ASTN2: variants seen among roughly 807,000 people sequenced by gnomAD.
ASTN2 encodes the protein astrotactin 2, also known as astrotactin-2.
In ASTN2, 54 loss-of-function variants were observed where a neutral mutation model predicts 139.8. The observed-to-expected ratio is 0.39, with a 90% CI of 0.31 to 0.48. The LOEUF (loss-of-function observed/expected upper bound fraction) is 0.48, where lower values mean the gene tolerates loss of function less well. ASTN2 is among the 20% of genes least tolerant of loss of function. ASTN2 has a pLI of 0.95. For synonymous variants in ASTN2, 756 were observed against 719.5 expected (o/e 1.05, Z -0.81); for missense variants, 1,565 against 1,725.1 (o/e 0.91, Z 1.64).
intron 4 of ASTN2, among the ~76,000 whole-genome samples, chr9:117,108,535 G>A (rs1829166823): frequency 6.7e-6 from 1 of 149,138 alleles, no homozygotes; most frequent in Non-Finnish European, 1.5e-5. Context: ...ACTGGGAAGT[G>A]AAACAGAAAT....
intron 3 of ASTN2, among the ~76,000 whole-genome samples, chr9:117,204,294 T>C (rs895886768): frequency 1.3e-5 from 2 of 152,166 alleles, no homozygotes; most frequent in South Asian, 2.1e-4. Flanking sequence ...CCTGGCCTCA[T>C]GTGATCCACC....
chr9:116,979,543 TG>T (rs1836449689), intron 7 of ASTN2, among the ~76,000 whole-genome samples: 2 of 152,122 alleles, frequency 1.3e-5, no homozygotes, highest in African/African-American at 4.8e-5. Context: ...ACTAAAGAAG[TG>T]TTAAAATGCA....
intron 1 of ASTN2, among the ~76,000 whole-genome samples, chr9:117,357,554 T>C (rs4837138): frequency 0.35 from 53,014 of 151,566 alleles, 9,547 homozygotes; most frequent in Middle Eastern, 0.39. Context: ...TACTCCTGGA[T>C]GCAGGTGAGC....
At chr9:116,712,082 G>A (rs929911307) in intron 16 of ASTN2, among the ~76,000 whole-genome samples, 1 of 152,150 alleles carries the variant, frequency 6.6e-6, no homozygotes, top group African/African-American at 2.4e-5. Context: ...TTTGATTCCT[G>A]TCCATCTATC....
At chr9:116,769,677 T>C (rs1329347077) in intron 13 of ASTN2, among the ~76,000 whole-genome samples, 1 of 152,202 alleles carries the variant, frequency 6.6e-6, no homozygotes, top group Non-Finnish European at 1.5e-5. Context: ...TATATGTGTA[T>C]GTGGCACAAA....
chr9:116,534,541 A>G (rs1165010118), intron 19 of ASTN2, among the ~76,000 whole-genome samples: 6 of 152,196 alleles, frequency 3.9e-5, no homozygotes, highest in Non-Finnish European at 8.8e-5. Context: ...AATGTGTCCC[A>G]GAGATTCTTG....
intron 10 of ASTN2, among the ~76,000 whole-genome samples, chr9:116,877,745 G>A (rs1330948298): frequency 1.3e-5 from 2 of 151,948 alleles, no homozygotes; most frequent in African/African-American, 2.4e-5. Context: ...CCCCCACCAT[G>A]CACAGTGATC....
At chr9:117,020,949 T>A (rs1837862128) in intron 6 of ASTN2, among the ~76,000 whole-genome samples, 1 of 152,062 alleles carries the variant, frequency 6.6e-6, no homozygotes, top group Non-Finnish European at 1.5e-5. Context: ...CAGTGGCGCT[T>A]CAGGTTGGGG....
intron 11 of ASTN2, among the ~76,000 whole-genome samples, chr9:116,829,051 G>A (rs183159610): frequency 5.9e-5 from 9 of 151,818 alleles, no homozygotes; most frequent in African/African-American, 2.2e-4. Context: ...CTCATGAATT[G>A]GATAATCAAT....
chr9:116,889,820 A>C (rs550519307), intron 10 of ASTN2, among the ~76,000 whole-genome samples: 11 of 152,038 alleles, frequency 7.2e-5, no homozygotes, highest in African/African-American at 2.7e-4. Flanking sequence ...AGTCCCAGAT[A>C]CTTGGAAGGC....
At chr9:117,335,419 G>A (rs1436330887) in intron 1 of ASTN2, among the ~76,000 whole-genome samples, 1 of 152,198 alleles carries the variant, frequency 6.6e-6, no homozygotes, top group Non-Finnish European at 1.5e-5. Flanking sequence ...ATGTTAGGAA[G>A]ACAGTCTGAT....
chr9:116,981,573 C>T (rs1836514403), intron 7 of ASTN2, among the ~76,000 whole-genome samples: 1 of 152,326 alleles, frequency 6.6e-6, no homozygotes, highest in Non-Finnish European at 1.5e-5. Flanking sequence ...AAATCACTGG[C>T]CTAGCCTCTG....
chr9:117,240,980 C>A (rs923379296), intron 2 of ASTN2, among the ~76,000 whole-genome samples: 1 of 152,210 alleles, frequency 6.6e-6, no homozygotes, highest in African/African-American at 2.4e-5. Flanking sequence ...TCCTTTCCAT[C>A]TGAGCCTTTC....
At chr9:116,710,078 T>C (rs923772913) in intron 16 of ASTN2, among the ~76,000 whole-genome samples, 1 of 152,162 alleles carries the variant, frequency 6.6e-6, no homozygotes, top group Non-Finnish European at 1.5e-5. Flanking sequence ...GGAAAACTGA[T>C]AGGGAAGCCT....
chr9:116,777,194 T>C (rs996594099), intron 13 of ASTN2, among the ~76,000 whole-genome samples: 1 of 151,916 alleles, frequency 6.6e-6, no homozygotes, highest in African/African-American at 2.4e-5. Context: ...CTCTCTCTGG[T>C]CTGGAAAAGA....
chr9:116,517,837 G>T (rs1850713543), intron 19 of ASTN2, among the ~76,000 whole-genome samples: 1 of 152,134 alleles, frequency 6.6e-6, no homozygotes, highest in African/African-American at 2.4e-5. Flanking sequence ...GGAAATCAAG[G>T]ACACGCTTAG....
chr9:117,089,369 A>C (rs1828646069), intron 5 of ASTN2, among the ~76,000 whole-genome samples: 1 of 152,186 alleles, frequency 6.6e-6, no homozygotes, highest in African/African-American at 2.4e-5. Context: ...CTAGTAACCT[A>C]CTACATTAGC....
intron 3 of ASTN2, among the ~76,000 whole-genome samples, chr9:117,142,967 C>T (rs975990350): frequency 2.6e-5 from 4 of 152,128 alleles, no homozygotes; most frequent in Non-Finnish European, 4.4e-5. Flanking sequence ...TTTGAAGGGG[C>T]TTCATCAGAC....
chr9:116,536,978 C>G (rs556291019), intron 19 of ASTN2, among the ~76,000 whole-genome samples: 195 of 152,310 alleles, frequency 1.3e-3, no homozygotes, highest in African/African-American at 4.5e-3. Context: ...GGCAGGCAGG[C>G]CTCCTTGAGC....
Sources: allele counts gnomAD v4.1 joint callset (sites outside exome capture counted in the v4.1 genomes callset), GRCh38; gene constraint gnomAD v4.1.1; transcripts MANE v1.5; gene names NCBI Gene and HGNC (gene_info 2026-07-23, HGNC 2026-07-21).